Variants in GABRA3 observed in about 807,000 individuals in gnomAD.
The protein encoded by GABRA3 is gamma-aminobutyric acid receptor subunit alpha-3.
In GABRA3, 10 loss-of-function variants were observed where a neutral mutation model predicts 30.1. The observed-to-expected ratio is 0.33, with a 90% CI of 0.20 to 0.56. GABRA3 has a LOEUF of 0.56. Ranked by LOEUF, GABRA3 falls within the 20% of genes least tolerant of loss-of-function variation. The probability of loss-of-function intolerance (pLI) is 0.89; values close to 1 mark genes in which losing one functional copy is unlikely to be tolerated. For synonymous variants in GABRA3, 151 were observed against 146.8 expected (o/e 1.03, Z -0.21); for missense variants, 233 against 392.0 (o/e 0.59, Z 3.42).
intron 8 of GABRA3, 132 bp from the exon 9 acceptor site, chrX:152,190,073 ATTTT>A: frequency 2.1e-6 from 1 of 466,298 alleles, no homozygotes; most frequent in African/African-American, 2.4e-5. Context: ...ATAAAATAAA[ATTTT>A]AAAAAAACAC....
chrX:152,343,008 T>C (rs926567417), intron 3 of GABRA3, among the ~76,000 whole-genome samples: 1 of 111,801 alleles, frequency 8.9e-6, no homozygotes, highest in African/African-American at 3.3e-5. Context: ...ATCCTTGAGT[T>C]GTGAGGTAAG....
chrX:152,177,111 G>C (rs1172806437), intron 9 of GABRA3, among the ~76,000 whole-genome samples: 1 of 111,741 alleles, frequency 8.9e-6, no homozygotes, highest in East Asian at 2.8e-4. Context: ...GCAGTACTGG[G>C]GATTAAGACG....
chrX:152,272,735 G>A (rs1388392970), intron 4 of GABRA3, among the ~76,000 whole-genome samples: 1 of 111,407 alleles, frequency 9.0e-6, no homozygotes. Flanking sequence ...GTGGTGGGAG[G>A]GAACTGGTGG....
At chrX:152,370,613 T>C (rs934938215) in intron 1 of GABRA3, among the ~76,000 whole-genome samples, 8 of 112,167 alleles carry the variant, frequency 7.1e-5, no homozygotes, top group Admixed American at 3.8e-4. Context: ...CTAATTCATA[T>C]GTAGCATTAG....
chrX:152,414,771 T>A (rs1266659178), intron 1 of GABRA3, among the ~76,000 whole-genome samples: 5 of 108,710 alleles, frequency 4.6e-5, no homozygotes, highest in Non-Finnish European at 9.6e-5. Flanking sequence ...TTGCCAAAAC[T>A]TGGAAGCAAC....
At chrX:152,333,439 T>A (rs1195158192) in intron 3 of GABRA3, among the ~76,000 whole-genome samples, 4 of 112,054 alleles carry the variant, frequency 3.6e-5, no homozygotes, top group Non-Finnish European at 7.5e-5. Context: ...CAAGGATAGC[T>A]GCTATTACCT....
intron 5 of GABRA3, among the ~76,000 whole-genome samples, chrX:152,236,249 G>C (rs1938210068): frequency 9.7e-6 from 1 of 103,076 alleles, no homozygotes; most frequent in African/African-American, 3.6e-5. Context: ...GCGGTGTTTG[G>C]TTTTTTGTTC....
At chrX:152,385,687 T>C (rs1356368647) in intron 1 of GABRA3, among the ~76,000 whole-genome samples, 1 of 111,818 alleles carries the variant, frequency 8.9e-6, no homozygotes, top group Non-Finnish European at 1.9e-5. Context: ...TCCTGAATGG[T>C]AATGCCTAGG....
At chrX:152,322,536 C>CTT (rs751861869) in intron 3 of GABRA3, among the ~76,000 whole-genome samples, 2 of 101,080 alleles carry the variant, frequency 2.0e-5, no homozygotes, top group African/African-American at 3.6e-5. Context: ...AAAGTCAACT[C>CTT]TTTTTTTTTT....
In GABRA3 at chrX:152,435,684, G is replaced by A. The variant is rs1930762366; in HGVS notation, c.-27+15462C>T. Reference sequence around the variant, plus strand: ...GGATGCAGCAAACTTCATGGCACATGTATACCTATGTAACAAACCTGCACA... The same window carrying A: ...GGATGCAGCAAACTTCATGGCACATATATACCTATGTAACAAACCTGCACA... On this transcript the variant is annotated intron_variant, in intron 1 of 9. Transcript: ENST00000370314. 1.8e-5 allele frequency among the ~76,000 whole-genome samples: 2 copies of A among 110,688 alleles called. 1 individual carries two copies. The highest frequency in any genetic ancestry group is 7.7e-4 in the South Asian group (2 of 2,588).
intron 6 of GABRA3, among the ~76,000 whole-genome samples, chrX:152,219,048 T>C (rs1426076064): frequency 1.8e-5 from 2 of 111,233 alleles, no homozygotes; most frequent in Non-Finnish European, 3.8e-5. Flanking sequence ...GGACAACACG[T>C]TCCCTTTAGG....
At chrX:152,298,373 C>T (rs191030508) in intron 3 of GABRA3, among the ~76,000 whole-genome samples, 20 of 104,902 alleles carry the variant, frequency 1.9e-4, no homozygotes, top group African/African-American at 7.4e-4. Context: ...ATCCCTCCCC[C>T]CTTCCCCCAC....
intron 6 of GABRA3, among the ~76,000 whole-genome samples, chrX:152,209,247 A>G (rs963048693): frequency 2.7e-5 from 3 of 111,916 alleles, no homozygotes; most frequent in African/African-American, 9.8e-5. Context: ...TGTATAGATT[A>G]ACAGGGGCGT....
chrX:152,368,595 A>G (rs1206892257), intron 1 of GABRA3, among the ~76,000 whole-genome samples: 3 of 111,231 alleles, frequency 2.7e-5, no homozygotes, highest in African/African-American at 9.8e-5. Context: ...ACGCTGCATT[A>G]ACATGGAAGT....
chrX:152,381,997 G>A (rs1390073479), intron 1 of GABRA3, among the ~76,000 whole-genome samples: 1 of 111,565 alleles, frequency 9.0e-6, no homozygotes, highest in Admixed American at 9.5e-5. Flanking sequence ...CATGAACAGT[G>A]CCGCAACAAA....
chrX:152,346,940 C>T (rs775207617), intron 2 of GABRA3, among the ~76,000 whole-genome samples: 195 of 111,518 alleles, frequency 1.7e-3, no homozygotes, highest in Non-Finnish European at 3.1e-3. Context: ...GGTGGTTCCT[C>T]AAAATATTAA....
intron 5 of GABRA3, among the ~76,000 whole-genome samples, chrX:152,248,219 G>C (rs1698202449): frequency 9.1e-6 from 1 of 110,066 alleles, no homozygotes; most frequent in Non-Finnish European, 1.9e-5. Flanking sequence ...AAAAAAAACT[G>C]GGATTGGCAA....
At chrX:152,249,753 T>C (rs1938520601) in intron 5 of GABRA3, among the ~76,000 whole-genome samples, 1 of 111,041 alleles carries the variant, frequency 9.0e-6, no homozygotes, top group Non-Finnish European at 1.9e-5. Flanking sequence ...GTATCATCAC[T>C]ACCTTCTCCT....
intron 1 of GABRA3, among the ~76,000 whole-genome samples, chrX:152,378,873 T>C (rs1358528946): frequency 9.0e-6 from 1 of 111,708 alleles, no homozygotes; most frequent in Non-Finnish European, 1.9e-5. Flanking sequence ...AAATAAAGAC[T>C]TTCATGTGAA....
Sources: gnomAD v4.1 joint callset for allele counts (sites outside exome capture counted in the v4.1 genomes callset) on GRCh38, gnomAD v4.1.1 for gene constraint, MANE v1.5 for transcripts, NCBI Gene and HGNC (gene_info 2026-07-23, HGNC 2026-07-21) for gene names.